SHROOM3: variants seen among roughly 807,000 people sequenced by gnomAD.
SHROOM3 encodes the protein shroom family member 3, also known as protein Shroom3.
In SHROOM3, 47 loss-of-function variants were observed where a neutral mutation model predicts 138.6. The ratio of observed to expected loss-of-function variants is 0.34; its 90% CI spans 0.27 to 0.43. The LOEUF is 0.43. SHROOM3 is among the 20% of genes least tolerant of loss of function. SHROOM3 has a pLI of 1.00. For synonymous variants in SHROOM3, 1,062 were observed against 1,063.3 expected (o/e 1.00, Z 0.02); for missense variants, 2,491 against 2,596.5 (o/e 0.96, Z 0.88).
Position 76,663,628 on chromosome 4 carries a change from AAAGTGATCCTCCTC to A in SHROOM3, c.324-46527_324-46514del, listed in dbSNP as rs563557983. Among the ~76,000 whole-genome samples, 26 of 152,286 alleles carry A rather than the reference AAAGTGATCCTCCTC, an allele frequency of 1.7e-4. No homozygotes were observed. In the East Asian group the frequency reaches 5.0e-3, roughly 29 times the overall value. ...GTTGCTCAGGCTGAACTCCTGGGCT[AAAGTGATCCTCCTC>A]CCTCAGCCTCCTGGGTAGCTGGGAT... On this transcript the variant is annotated intron_variant, in intron 2 of 10. Coordinates refer to ENST00000296043, the MANE Select transcript of SHROOM3 (RefSeq NM_020859.4).
At chr4:76,742,766 A>G (rs1187192117) in intron 5 of SHROOM3, among the ~76,000 whole-genome samples, 1 of 152,248 alleles carries the variant, frequency 6.6e-6, no homozygotes, top group African/African-American at 2.4e-5. Flanking sequence ...GGCCTGCCTC[A>G]TGCTTCCCTT....
At chr4:76,628,489 A>C (rs549537054) in intron 2 of SHROOM3, among the ~76,000 whole-genome samples, 1 of 152,200 alleles carries the variant, frequency 6.6e-6, no homozygotes, top group African/African-American at 2.4e-5. Context: ...ATGCTTTTCC[A>C]GGAAGTGAAT....
At chr4:76,670,312 A>G (rs1718841687) in intron 2 of SHROOM3, among the ~76,000 whole-genome samples, 1 of 152,230 alleles carries the variant, frequency 6.6e-6, no homozygotes, top group South Asian at 2.1e-4. Flanking sequence ...CCTCAAAAAC[A>G]TTATGCTAAG....
At chr4:76,606,786 G>T (rs1320311927) in intron 2 of SHROOM3, among the ~76,000 whole-genome samples, 1 of 152,150 alleles carries the variant, frequency 6.6e-6, no homozygotes, top group Non-Finnish European at 1.5e-5. Flanking sequence ...GTTCCTGGGA[G>T]TATAAATTAC....
intron 1 of SHROOM3, among the ~76,000 whole-genome samples, chr4:76,510,590 G>A (rs879408650): frequency 3.3e-5 from 5 of 152,320 alleles, no homozygotes; most frequent in South Asian, 2.1e-4. Flanking sequence ...GTTAGCTCTC[G>A]TTGTCATTGG....
chr4:76,741,663 C>T lies in SHROOM3; in HGVS notation c.3490C>T (p.Gln1164Ter). The T allele has an allele frequency of 6.5e-7, 1 of 1,549,600 alleles. No individual in the cohort carries two copies. Among genetic ancestry groups the T allele is most frequent in the Non-Finnish European group, 8.7e-7 (1 of 1,151,368 alleles). ...TLLPATVAET[Q>*]QAPRDRSSSF... Reference sequence around the variant, plus strand: ...CCTGCCGGCCACAGTTGCAGAAACCCAGCAGGCTCCCCGAGATCGCAGCAG... The same window carrying T: ...CCTGCCGGCCACAGTTGCAGAAACCTAGCAGGCTCCCCGAGATCGCAGCAG... Residue 1164 changes from glutamine (Q) to a stop codon, truncating the protein, a stop_gained, in exon 5 of 11, where the codon CAG (glutamine) becomes TAG (stop). Coordinates refer to ENST00000296043, the MANE Select transcript of SHROOM3 (RefSeq NM_020859.4). LOFTEE classifies it high-confidence loss of function. The surrounding 1 kb of genome is among the most constrained non-coding windows in gnomAD (Gnocchi z 6.2).
chr4:76,550,767 A>G (rs955313750), intron 1 of SHROOM3, among the ~76,000 whole-genome samples: 52 of 152,074 alleles, frequency 3.4e-4, no homozygotes, highest in Non-Finnish European at 6.5e-4. Context: ...GGGAGGCTGA[A>G]GCGGGAGGCT....
Position 76,435,870 on chromosome 4 carries a change from TG to T in SHROOM3, c.-181del. The T allele has an allele frequency of 1.8e-6, 1 of 568,508 alleles. No homozygotes were observed. Among genetic ancestry groups the T allele is most frequent in the Non-Finnish European group, 3.0e-6 (1 of 330,422 alleles). The allele number at this position is 568,508 out of a possible 1,614,324, so 35.2% of individuals were successfully genotyped here. A position where few individuals can be genotyped will look rare whatever the true frequency, so the allele number is the denominator to read the frequency against. ...GAAATGTTGAAGTGAAAATTCCTTC[TG>T]GTTCAGCATCTTGGAGTTCAGCTTG... On this transcript the variant is annotated 5_prime_UTR_variant, in exon 1 of 11. Transcript: ENST00000296043.
intron 1 of SHROOM3, among the ~76,000 whole-genome samples, chr4:76,468,612 A>G (rs1162986872): frequency 6.6e-6 from 1 of 151,330 alleles, no homozygotes. Context: ...AAATATATAT[A>G]CATATATCTA....
chr4:76,702,165 T>C (rs940411815), intron 2 of SHROOM3, among the ~76,000 whole-genome samples: 1 of 152,244 alleles, frequency 6.6e-6, no homozygotes, highest in Non-Finnish European at 1.5e-5. Flanking sequence ...GGTTGATACC[T>C]ACCAAAGTAT....
chr4:76,618,349 C>A (rs1734928213), intron 2 of SHROOM3, among the ~76,000 whole-genome samples: 1 of 152,164 alleles, frequency 6.6e-6, no homozygotes, highest in Non-Finnish European at 1.5e-5. Context: ...CTTACATAAG[C>A]AGTTACTATA....
chr4:76,603,933 C>G lies in SHROOM3; in HGVS notation c.323+48170C>G, dbSNP rs1333391907. ...TCTCAGCTCACTGCAACCTCTGCCC[C>G]CCTGGTTCAAGTGATTCTCCTGCCT... is the stretch of plus-strand genomic sequence containing the variant. On this transcript the variant is annotated intron_variant, in intron 2 of 10. Coordinates refer to ENST00000296043, the MANE Select transcript of SHROOM3 (RefSeq NM_020859.4). 2.6e-5 allele frequency among the ~76,000 whole-genome samples: 4 copies of G among 151,322 alleles called. No individual in the cohort carries two copies. In the South Asian group the frequency reaches 8.4e-4, roughly 32 times the overall value.
At chr4:76,669,918 C>T (rs1236992481) in intron 2 of SHROOM3, among the ~76,000 whole-genome samples, 2 of 152,244 alleles carry the variant, frequency 1.3e-5, no homozygotes, top group Non-Finnish European at 2.9e-5. Context: ...GGCACACCCA[C>T]ACCATATCTC....
At chr4:76,709,078 C>A (rs1286303713) in intron 2 of SHROOM3, among the ~76,000 whole-genome samples, 1 of 152,220 alleles carries the variant, frequency 6.6e-6, no homozygotes, top group Non-Finnish European at 1.5e-5. Flanking sequence ...AAAAGAGATC[C>A]TTTCATTTGC....
intron 2 of SHROOM3, among the ~76,000 whole-genome samples, chr4:76,618,812 T>G (rs768800506): frequency 1.1e-4 from 16 of 152,242 alleles, no homozygotes; most frequent in Non-Finnish European, 1.8e-4. Flanking sequence ...CCTTTATAGC[T>G]TATTTTTTCC....
intron 2 of SHROOM3, among the ~76,000 whole-genome samples, chr4:76,649,265 T>C (rs1323460055): frequency 1.3e-5 from 2 of 152,158 alleles, no homozygotes; most frequent in African/African-American, 4.8e-5. Flanking sequence ...GCTTTGAGGA[T>C]ATTGGAACCC....
intron 2 of SHROOM3, among the ~76,000 whole-genome samples, chr4:76,699,182 A>G (rs1035812656): frequency 7.2e-5 from 11 of 152,258 alleles, no homozygotes; most frequent in African/African-American, 9.6e-5. Flanking sequence ...CAGAGATCAG[A>G]TTAGAACCCA....
intron 3 of SHROOM3, among the ~76,000 whole-genome samples, chr4:76,728,784 CT>C (rs1407426044): frequency 6.6e-6 from 1 of 152,154 alleles, no homozygotes; most frequent in Non-Finnish European, 1.5e-5. Flanking sequence ...TGATGGCTCC[CT>C]TCCTCACCAC....
chr4:76,446,440 C>G (rs532885399), intron 1 of SHROOM3, among the ~76,000 whole-genome samples: 7 of 151,974 alleles, frequency 4.6e-5, no homozygotes, highest in Non-Finnish European at 7.4e-5. Flanking sequence ...TGCACATCTA[C>G]TTCTATTAAC....
Sources: allele counts gnomAD v4.1 joint callset (sites outside exome capture counted in the v4.1 genomes callset), GRCh38; gene constraint gnomAD v4.1.1; non-coding constraint Gnocchi (gnomAD v3.1); transcripts MANE v1.5; gene names NCBI Gene and HGNC (gene_info 2026-07-23, HGNC 2026-07-21).